SAMD12: variants seen among roughly 807,000 people sequenced by gnomAD.
SAMD12 encodes the protein sterile alpha motif domain containing 12, also known as sterile alpha motif domain-containing protein 12.
SAMD12 carries 9 observed loss-of-function variants against 15.0 expected under a neutral mutation model. The ratio of observed to expected loss-of-function variants is 0.60; its 90% confidence interval spans 0.36 to 1.05. The LOEUF is 1.05. SAMD12 is among the 50% of genes least tolerant of loss of function. SAMD12 has a pLI of 0.01. For synonymous variants in SAMD12, 86 were observed against 90.1 expected, an observed-to-expected ratio of 0.96 and a Z score of 0.25; for missense variants, 230 against 234.2, an observed-to-expected ratio of 0.98 and a Z score of 0.12.
intron 4 of SAMD12, among the ~76,000 whole-genome samples, chr8:118,251,248 T>C (rs1471871989): frequency 1.3e-5 from 2 of 152,148 alleles, no homozygotes; most frequent in Non-Finnish European, 2.9e-5. Flanking sequence ...GAATTAAACC[T>C]GATTCAGGTG....
chr8:118,618,028 G>T (rs74345740), intron 1 of SAMD12, among the ~76,000 whole-genome samples: 26 of 145,520 alleles, frequency 1.8e-4, no homozygotes, highest in Admixed American at 1.5e-3. Flanking sequence ...CATTGTTTTT[G>T]TTTTTTTTTT....
At chr8:118,210,849 A>G (rs377024809) in intron 4 of SAMD12, among the ~76,000 whole-genome samples, 2 of 152,158 alleles carry the variant, frequency 1.3e-5, no homozygotes, top group Non-Finnish European at 2.9e-5. Flanking sequence ...CTCAAAGCCT[A>G]TCTCTCCCTG....
At chr8:118,447,483 T>C (rs956367582) in intron 2 of SAMD12, among the ~76,000 whole-genome samples, 2 of 151,898 alleles carry the variant, frequency 1.3e-5, no homozygotes, top group East Asian at 1.9e-4. Flanking sequence ...TTTTGCATTA[T>C]TAGTAGAGAT....
intron 4 of SAMD12, among the ~76,000 whole-genome samples, chr8:118,288,836 A>G (rs879916983): frequency 6.6e-6 from 1 of 152,216 alleles, no homozygotes; most frequent in Admixed American, 6.5e-5. Context: ...TGAGAGAAAT[A>G]AAAAATAATA....
intron 2 of SAMD12, among the ~76,000 whole-genome samples, chr8:118,551,229 T>G (rs1005021394): frequency 6.6e-6 from 1 of 152,096 alleles, no homozygotes; most frequent in Admixed American, 6.5e-5. Context: ...ATACATTTTT[T>G]TCAGCACCAC....
intron 4 of SAMD12, among the ~76,000 whole-genome samples, chr8:118,347,034 C>T (rs1257368096): frequency 6.6e-6 from 1 of 152,170 alleles, no homozygotes; most frequent in Non-Finnish European, 1.5e-5. Flanking sequence ...TACCCCTTTA[C>T]CCCCATGGCC....
At chr8:118,341,415 T>C (rs2450324) in intron 4 of SAMD12, among the ~76,000 whole-genome samples, 85,979 of 152,144 alleles carry the variant, frequency 0.57, 24,486 homozygotes, top group East Asian at 0.67. Context: ...ACATCTTTAA[T>C]ATGCCATAGT....
At chr8:118,324,753 G>A (rs1816480497) in intron 4 of SAMD12, among the ~76,000 whole-genome samples, 1 of 152,154 alleles carries the variant, frequency 6.6e-6, no homozygotes, top group African/African-American at 2.4e-5. Context: ...AAAGAGCATG[G>A]TGTTCATGGG....
chr8:118,534,323 G>C (rs532402698), intron 2 of SAMD12, among the ~76,000 whole-genome samples: 183 of 152,312 alleles, frequency 1.2e-3, no homozygotes, highest in African/African-American at 4.1e-3. Context: ...CTGTTAGTCT[G>C]ATGGGCTTCC....
intron 2 of SAMD12, among the ~76,000 whole-genome samples, chr8:118,457,417 G>T (rs1375889104): frequency 6.6e-6 from 1 of 150,648 alleles, no homozygotes; most frequent in African/African-American, 2.4e-5. Flanking sequence ...TTTAAATAGA[G>T]ACAGGGTCTC....
chr8:118,312,426 C>G (rs1269935904), intron 4 of SAMD12, among the ~76,000 whole-genome samples: 1 of 152,180 alleles, frequency 6.6e-6, no homozygotes, highest in Non-Finnish European at 1.5e-5. Context: ...TCTTCACATC[C>G]CTCCAGACCC....
chr8:118,167,617 T>A, the SAMD12 span, among the ~76,000 whole-genome samples: 1 of 152,150 alleles, frequency 6.6e-6, no homozygotes, highest in African/African-American at 2.4e-5. Flanking sequence ...TTAGTAAACC[T>A]TATCTAGAAT....
intron 2 of SAMD12, among the ~76,000 whole-genome samples, chr8:118,551,993 T>C (rs1206040621): frequency 1.3e-5 from 2 of 151,006 alleles, no homozygotes; most frequent in African/African-American, 4.8e-5. Flanking sequence ...GTTGAATCTC[T>C]GAATAGACCA....
At chr8:118,282,594 T>C (rs1262931054) in intron 4 of SAMD12, among the ~76,000 whole-genome samples, 1 of 152,110 alleles carries the variant, frequency 6.6e-6, no homozygotes, top group Non-Finnish European at 1.5e-5. Flanking sequence ...GGGGTGGTGG[T>C]GGTGGTGGTT....
chr8:118,405,548 G>C (rs934055224), intron 3 of SAMD12, among the ~76,000 whole-genome samples: 1 of 152,158 alleles, frequency 6.6e-6, no homozygotes, highest in African/African-American at 2.4e-5. Context: ...GAGCCGCTGG[G>C]GTTCTAGAAA....
chr8:118,415,563 C>A (rs959002406), intron 3 of SAMD12, among the ~76,000 whole-genome samples: 2 of 150,158 alleles, frequency 1.3e-5, no homozygotes, highest in Admixed American at 1.3e-4. Flanking sequence ...TTGACAAAAG[C>A]GTGTAATTAA....
At chr8:118,379,724 G>A in intron 3 of SAMD12, 24 bp from the exon 4 acceptor site, 2 of 1,602,884 alleles carry the variant, frequency 1.2e-6, no homozygotes, top group South Asian at 1.1e-5. Context: ...AGAAATAAAA[G>A]GAAAAGCAAA....
At chr8:118,355,362 A>G (rs770441810) in intron 4 of SAMD12, among the ~76,000 whole-genome samples, 1 of 152,206 alleles carries the variant, frequency 6.6e-6, no homozygotes, top group African/African-American at 2.4e-5. Flanking sequence ...TAAGAATGAC[A>G]CAATAGACTT....
the SAMD12 span, among the ~76,000 whole-genome samples, chr8:118,149,312 A>T: frequency 6.6e-6 from 1 of 152,076 alleles, no homozygotes; most frequent in African/African-American, 2.4e-5. Context: ...TTAAAATTAT[A>T]TATGTTTTTA....
Sources: allele counts gnomAD v4.1 joint callset (sites outside exome capture counted in the v4.1 genomes callset), GRCh38; gene constraint gnomAD v4.1.1; transcripts MANE v1.5; gene names NCBI Gene and HGNC (gene_info 2026-07-23, HGNC 2026-07-21).